The following PRKN variants were observed in gnomAD, a reference collection of about 807,000 sequenced individuals.
PRKN encodes the protein parkin RBR E3 ubiquitin protein ligase.
PRKN carries 56 observed loss-of-function variants against 59.5 expected under a neutral mutation model. That is an observed-to-expected ratio of 0.94 (90% CI 0.76 to 1.18). The LOEUF is 1.18. Among genes scored for constraint, PRKN ranks in the 50% most tolerant of loss-of-function variants. The probability of loss-of-function intolerance (pLI) is 0.00; values close to 1 mark genes in which losing one functional copy is unlikely to be tolerated. For synonymous variants in PRKN, 250 were observed against 222.1 expected (o/e 1.13, Z -1.12); for missense variants, 657 against 596.4 (o/e 1.10, Z -1.06).
At position 162,677,792 on chromosome 6, in the gene PRKN, AT is replaced by A. The variant is rs1295979784; in HGVS notation, c.7+49869del. ...CGCTTACCTAGGCAAAGGACAACGT[AT>A]TTTTTGAAAGCTCTATTGAGGTCTG... On this transcript the variant is annotated intron_variant, in intron 1 of 11. Coordinates refer to ENST00000366898, the MANE Select transcript of PRKN (RefSeq NM_004562.3). 2.0e-5 allele frequency among the ~76,000 whole-genome samples: 3 copies of A among 152,324 alleles called. No homozygotes were observed. In the East Asian group the frequency reaches 5.8e-4, roughly 29 times the overall value.
intron 9 of PRKN, among the ~76,000 whole-genome samples, chr6:161,537,337 A>G (rs1200012868): frequency 6.6e-6 from 1 of 152,258 alleles, no homozygotes; most frequent in East Asian, 1.9e-4. Flanking sequence ...GATGCAAATG[A>G]CTAACATAAG....
chr6:161,612,656 G>A (rs1782529065), intron 7 of PRKN, among the ~76,000 whole-genome samples: 1 of 149,968 alleles, frequency 6.7e-6, no homozygotes, highest in Non-Finnish European at 1.5e-5. Context: ...GGGAGGCAGA[G>A]GTTGCAGTGA....
At chr6:161,733,802 A>ATATATG (rs1554298524) in intron 7 of PRKN, among the ~76,000 whole-genome samples, 44 of 118,834 alleles carry the variant, frequency 3.7e-4, no homozygotes, top group African/African-American at 1.9e-3. Context: ...ATATATGTAT[A>ATATATG]TATATATATA....
At chr6:161,556,391 A>G (rs75074427) in intron 8 of PRKN, among the ~76,000 whole-genome samples, 2,298 of 152,298 alleles carry the variant, frequency 0.015, 70 homozygotes, top group Middle Eastern at 0.024. Context: ...ACTGACCTGG[A>G]ACAAAGAATG....
At chr6:162,167,282 T>C (rs1221021591) in intron 4 of PRKN, among the ~76,000 whole-genome samples, 2 of 152,196 alleles carry the variant, frequency 1.3e-5, no homozygotes, top group African/African-American at 4.8e-5. Context: ...AAAACTATTG[T>C]CAGTTGTTAC....
chr6:162,038,178 TTTTA>T (rs1783920173), intron 5 of PRKN, among the ~76,000 whole-genome samples: 1 of 152,118 alleles, frequency 6.6e-6, no homozygotes, highest in Non-Finnish European at 1.5e-5. Context: ...TTAAGTACAT[TTTTA>T]TTTAAGAAAA....
chr6:161,600,999 A>G (rs754690498), intron 7 of PRKN, among the ~76,000 whole-genome samples: 2 of 152,220 alleles, frequency 1.3e-5, no homozygotes, highest in South Asian at 2.1e-4. Flanking sequence ...ATAATTCATC[A>G]GTGTATTTAT....
At chr6:162,305,202 A>T (rs1188186351) in intron 2 of PRKN, among the ~76,000 whole-genome samples, 1 of 152,158 alleles carries the variant, frequency 6.6e-6, no homozygotes, top group Non-Finnish European at 1.5e-5. Flanking sequence ...GGGAAAAAAA[A>T]GTTTGCCAAT....
At chr6:162,503,232 G>T (rs1242588777) in intron 1 of PRKN, among the ~76,000 whole-genome samples, 1 of 144,848 alleles carries the variant, frequency 6.9e-6, no homozygotes, top group South Asian at 2.2e-4. Flanking sequence ...GCATGATCTC[G>T]GCTCACTGCA....
intron 6 of PRKN, among the ~76,000 whole-genome samples, chr6:161,830,282 C>T (rs1394172228): frequency 2.0e-4 from 30 of 149,870 alleles, no homozygotes; most frequent in African/African-American, 5.4e-4. Flanking sequence ...GATGGAGTCT[C>T]GCTCTGTTGC....
Position 161,987,567 on chromosome 6 carries a change from T to C in PRKN, c.619-14150A>G, listed in dbSNP as rs141325134. Among the ~76,000 whole-genome samples the C allele has an allele frequency of 3.2e-4, 49 of 152,360 alleles. No individual in the cohort carries two copies. The East Asian group carries it at 6.2e-3, about 19-fold the overall frequency. ...TCTCCAGATCATGTAGAATACCTAA[T>C]ACAATGTAAATGCTGAGTATATAGT... On this transcript the variant is annotated intron_variant, in intron 5 of 11. Transcript: ENST00000366898.
intron 7 of PRKN, among the ~76,000 whole-genome samples, chr6:161,754,268 C>T (rs1788817476): frequency 1.3e-5 from 2 of 151,970 alleles, no homozygotes; most frequent in Non-Finnish European, 2.9e-5. Flanking sequence ...ACGTGCTGAT[C>T]TCAAAGAGAA....
chr6:161,828,693 C>T (rs368872524), intron 6 of PRKN, among the ~76,000 whole-genome samples: 4 of 151,994 alleles, frequency 2.6e-5, no homozygotes, highest in East Asian at 3.9e-4. Flanking sequence ...CTGAGGTGGG[C>T]GGATCACCTG....
At chr6:162,634,003 C>G (rs1393376770) in intron 1 of PRKN, among the ~76,000 whole-genome samples, 1 of 152,172 alleles carries the variant, frequency 6.6e-6, no homozygotes, top group Non-Finnish European at 1.5e-5. Context: ...AAATATACCA[C>G]ACGGTCTTGT....
Position 161,733,797 on chromosome 6 carries a change from T to TATATATATATATATATAC in PRKN, c.871+51974_871+51975insGTATATATATATATATAT, listed in dbSNP as rs58765166. ...AAAAAAAAAAAAATATATATATATA[T>TATATATATATATATATAC]GTATATATATATATATATATATATG... On this transcript the variant is annotated intron_variant, in intron 7 of 11. Transcript: ENST00000366898. Among the ~76,000 whole-genome samples the TATATATATATATATATAC allele has an allele frequency of 2.1e-3, 174 of 81,876 alleles. 1 individual carries two copies. The highest frequency in any genetic ancestry group is 2.6e-3 in the African/African-American group (62 of 24,236). 53.7% of individuals were successfully genotyped at this position (81,876 alleles called of 152,430 possible). A position where few individuals can be genotyped will look rare whatever the true frequency, so the allele number is the denominator to read the frequency against.
intron 5 of PRKN, among the ~76,000 whole-genome samples, chr6:162,026,656 CT>C (rs759628806): frequency 3.3e-5 from 5 of 152,132 alleles, no homozygotes; most frequent in Non-Finnish European, 7.3e-5. Context: ...ATGTACTTAT[CT>C]GCTTTGCTTT....
At chr6:162,713,267 G>C (rs1351680127) in intron 1 of PRKN, among the ~76,000 whole-genome samples, 1 of 152,082 alleles carries the variant, frequency 6.6e-6, no homozygotes, top group Non-Finnish European at 1.5e-5. Context: ...GACCGAGGCG[G>C]GCGGATCACG....
intron 2 of PRKN, among the ~76,000 whole-genome samples, chr6:162,279,473 GAGAAAAGAAA>G (rs60648529): frequency 0.068 from 10,318 of 151,828 alleles, 483 homozygotes; most frequent in Middle Eastern, 0.15. Context: ...GAGAAGAGAA[GAGAAAAGAAA>G]AGAAAAGAAA....
intron 4 of PRKN, among the ~76,000 whole-genome samples, chr6:162,095,354 G>C (rs1779682026): frequency 6.6e-6 from 1 of 152,106 alleles, no homozygotes; most frequent in African/African-American, 2.4e-5. Context: ...GCCCTTTGAG[G>C]GGAAGGTGCT....
Sources: allele counts gnomAD v4.1 joint callset (sites outside exome capture counted in the v4.1 genomes callset), GRCh38; gene constraint gnomAD v4.1.1; transcripts MANE v1.5; gene names NCBI Gene and HGNC (gene_info 2026-07-23, HGNC 2026-07-21).